Variants in GRM7 observed in about 807,000 individuals in gnomAD.
GRM7 encodes the protein metabotropic glutamate receptor 7.
Under a neutral mutation model 84.5 loss-of-function variants are expected in GRM7, and 35 were observed. The ratio of observed to expected loss-of-function variants is 0.41; its 90% CI spans 0.32 to 0.55. The LOEUF (loss-of-function observed/expected upper bound fraction) is 0.55, where lower values mean the gene tolerates loss of function less well. Ranked by LOEUF, GRM7 falls within the 20% of genes least tolerant of loss-of-function variation. The pLI, the probability that GRM7 is intolerant of heterozygous loss-of-function variation, is 0.19. For synonymous variants in GRM7, 487 were observed against 455.1 expected (o/e 1.07, Z -0.89); for missense variants, 1,003 against 1,194.6 (o/e 0.84, Z 2.36).
intron 7 of GRM7, among the ~76,000 whole-genome samples, chr3:7,556,327 T>G (rs1035171588): frequency 2.0e-5 from 3 of 152,180 alleles, no homozygotes; most frequent in Admixed American, 1.3e-4. Flanking sequence ...TTTTAGGGGA[T>G]ATAAACATTC....
chr3:7,073,965 G>A (rs1697974851), intron 1 of GRM7, among the ~76,000 whole-genome samples: 1 of 136,468 alleles, frequency 7.3e-6, no homozygotes, highest in Admixed American at 6.8e-5. Context: ...TAATTGGGGG[G>A]AGGGTGAAAC....
chr3:7,011,135 TG>T lies in GRM7; in HGVS notation c.520-135312del, dbSNP rs141404047. On this transcript the variant is annotated intron_variant, in intron 1 of 9. Transcript: ENST00000357716. ...TGGATCTCTTACCTGACAAAAATAA[TG>T]GGGGACAGGGGACAAAAATCATAAA... is the stretch of plus-strand genomic sequence containing the variant. 1.8e-3 allele frequency among the ~76,000 whole-genome samples: 275 copies of T among 152,178 alleles called. 1 individual carries two copies. Among genetic ancestry groups the T allele is most frequent in the African/African-American group, 6.5e-3 (268 of 41,518 alleles).
intron 1 of GRM7, among the ~76,000 whole-genome samples, chr3:6,991,714 A>G (rs539997102): frequency 1.3e-5 from 2 of 152,240 alleles, no homozygotes; most frequent in Non-Finnish European, 2.9e-5. Flanking sequence ...TTGTGAAATG[A>G]TTACCACAAC....
chr3:7,295,707 G>A (rs369071542), intron 2 of GRM7, among the ~76,000 whole-genome samples: 76 of 152,092 alleles, frequency 5.0e-4, no homozygotes, highest in African/African-American at 1.7e-3. Context: ...ATTAAATGGC[G>A]TTGTGTTTCA....
intron 8 of GRM7, among the ~76,000 whole-genome samples, chr3:7,605,866 T>TGTAGC (rs1489050873): frequency 1.3e-5 from 2 of 152,184 alleles, no homozygotes; most frequent in Admixed American, 6.6e-5. Context: ...CTACTGAACT[T>TGTAGC]TGCTATTGTA....
At chr3:7,169,347 C>T (rs999260500) in intron 2 of GRM7, among the ~76,000 whole-genome samples, 11 of 152,146 alleles carry the variant, frequency 7.2e-5, no homozygotes, top group East Asian at 1.9e-4. Context: ...GTCAACACTA[C>T]GGCTCTTGCA....
chr3:6,870,954 T>G (rs931520016), intron 1 of GRM7, among the ~76,000 whole-genome samples: 2 of 152,146 alleles, frequency 1.3e-5, no homozygotes, highest in Non-Finnish European at 2.9e-5. Flanking sequence ...AGAGATACAT[T>G]GTGTAAAATG....
chr3:7,594,086 G>A (rs1036073023), intron 8 of GRM7, among the ~76,000 whole-genome samples: 3 of 152,144 alleles, frequency 2.0e-5, no homozygotes, highest in African/African-American at 7.2e-5. Context: ...TACAGGTGGT[G>A]TCCTAAGGCT....
intron 1 of GRM7, 90 bp from the exon 2 acceptor site, chr3:7,146,362 C>A: frequency 4.9e-6 from 5 of 1,017,992 alleles, no homozygotes; most frequent in Non-Finnish European, 7.7e-6. Flanking sequence ...GCAGCTCAAA[C>A]CCTGTATTTT....
At chr3:7,425,596 A>G (rs1696574876) in intron 5 of GRM7, among the ~76,000 whole-genome samples, 1 of 152,178 alleles carries the variant, frequency 6.6e-6, no homozygotes, top group Non-Finnish European at 1.5e-5. Flanking sequence ...TAGCAGTTGT[A>G]AATTGAGCTA....
chr3:7,321,296 C>T (rs1161206461), intron 4 of GRM7, among the ~76,000 whole-genome samples: 1 of 151,910 alleles, frequency 6.6e-6, no homozygotes, highest in Non-Finnish European at 1.5e-5. Context: ...AGATAAGAAT[C>T]CTATTTGTAC....
intron 6 of GRM7, among the ~76,000 whole-genome samples, chr3:7,454,088 ACACTCTCT>A (rs1182943835): frequency 1.8e-5 from 2 of 111,682 alleles, no homozygotes; most frequent in African/African-American, 7.7e-5. Context: ...AGCTACACAC[ACACTCTCT>A]CTCTCTCTCT....
intron 8 of GRM7, among the ~76,000 whole-genome samples, chr3:7,679,790 G>T (rs1223496108): frequency 1.3e-5 from 2 of 152,098 alleles, no homozygotes; most frequent in Non-Finnish European, 2.9e-5. Flanking sequence ...ATGATTAAAG[G>T]TTTACTCTGA....
intron 9 of GRM7, among the ~76,000 whole-genome samples, chr3:7,723,473 G>A (rs1702021649): frequency 6.6e-6 from 1 of 152,112 alleles, no homozygotes; most frequent in Admixed American, 6.6e-5. Flanking sequence ...TGGACAGTGT[G>A]TGCAGGTCCA....
intron 9 of GRM7, among the ~76,000 whole-genome samples, chr3:7,709,093 T>A (rs918596226): frequency 1.7e-5 from 2 of 119,934 alleles, no homozygotes; most frequent in Non-Finnish European, 3.3e-5. Flanking sequence ...AATCTCAACT[T>A]TTTTGTGGTT....
At chr3:7,313,915 G>GGA (rs35959092) in intron 4 of GRM7, among the ~76,000 whole-genome samples, 2,031 of 149,762 alleles carry the variant, frequency 0.014, 25 homozygotes, top group Non-Finnish European at 0.015. Context: ...GTTGTAAAAT[G>GGA]GAGAGAGAGA....
At chr3:6,998,713 A>G (rs528036397) in intron 1 of GRM7, among the ~76,000 whole-genome samples, 1 of 152,308 alleles carries the variant, frequency 6.6e-6, no homozygotes, top group African/African-American at 2.4e-5. Context: ...TGCAGGCTCA[A>G]CGCCACATGA....
In GRM7 at chr3:7,456,812, A is replaced by G. The variant is rs966311966; in HGVS notation, c.1375+4005A>G. Among the ~76,000 whole-genome samples, 5 of 152,068 alleles carry G rather than the reference A, an allele frequency of 3.3e-5. No individual in the cohort carries two copies. The East Asian group carries it at 7.7e-4, about 23-fold the overall frequency. ...AGACTTCTGGCTCCCAAGACACTGC[A>G]GTATTCATGGATGACAGTGCTCAAA... is the stretch of plus-strand genomic sequence containing the variant. On this transcript the variant is annotated intron_variant, in intron 6 of 9. Transcript: ENST00000357716.
At chr3:7,401,493 T>C (rs987108792) in intron 4 of GRM7, among the ~76,000 whole-genome samples, 2 of 152,238 alleles carry the variant, frequency 1.3e-5, no homozygotes, top group Non-Finnish European at 1.5e-5. Flanking sequence ...CTCCTACTAA[T>C]AGCACTCCAC....
Sources: gnomAD v4.1 joint callset for allele counts (sites outside exome capture counted in the v4.1 genomes callset) on GRCh38, gnomAD v4.1.1 for gene constraint, MANE v1.5 for transcripts, NCBI Gene and HGNC (gene_info 2026-07-23, HGNC 2026-07-21) for gene names.